Variants in DNAJA4 observed in about 807,000 individuals in gnomAD.
The protein encoded by DNAJA4 is DnaJ heat shock protein family (Hsp40) member A4, also known as dnaJ homolog subfamily A member 4.
A neutral mutation model predicts 39.7 loss-of-function variants in DNAJA4; 32 were observed. The observed-to-expected ratio is 0.81, with a 90% CI of 0.61 to 1.08. The LOEUF is 1.08. DNAJA4 is among the 50% of genes least tolerant of loss of function. DNAJA4 has a pLI of 0.00. For synonymous variants in DNAJA4, 184 were observed against 182.4 expected (o/e 1.01, Z -0.07); for missense variants, 439 against 505.1 (o/e 0.87, Z 1.25).
chr15:78,279,166 C>T lies in DNAJA4; in HGVS notation c.878-879C>T, dbSNP rs1271308042. ...TTAAAACCTCCTCTTTAAAGATTTC[C>T]TCTTGAAGAGACAGCTCACTTTCTA... On this transcript the variant is annotated intron_variant, in intron 5 of 6. Coordinates refer to ENST00000394852, the MANE Select transcript of DNAJA4 (RefSeq NM_001130182.2). This position sits in a 1 kb window ranked among gnomAD's most constrained non-coding sequence, Gnocchi z 4.5. The T allele has an allele frequency of 1.3e-5, 2 of 152,242 alleles. No individual in the cohort carries two copies. The highest frequency in any genetic ancestry group is 1.9e-4 in the East Asian group (1 of 5,180). The allele number at this position is 152,242 out of a possible 1,614,324, so 9.4% of individuals were successfully genotyped here.
At chr15:78,275,420 C>T in intron 4 of DNAJA4, 78 bp from the exon 5 acceptor site, 1 of 1,195,760 alleles carries the variant, frequency 8.4e-7, no homozygotes, top group Non-Finnish European at 1.2e-6. Flanking sequence ...CTGAAGGACT[C>T]TGTTCCTTCT....
At chr15:78,274,102 A>G (rs2049377157) in intron 3 of DNAJA4, 95 bp from the exon 4 acceptor site, 1 of 1,069,040 alleles carries the variant, frequency 9.4e-7, no homozygotes, top group Non-Finnish European at 1.4e-6. Context: ...CCATTGTCCA[A>G]TGTGAGGGTT....
chr15:78,277,581 G>T (rs1205783456), intron 5 of DNAJA4, among the ~76,000 whole-genome samples: 1 of 152,202 alleles, frequency 6.6e-6, no homozygotes, highest in Non-Finnish European at 1.5e-5. Context: ...CCCTGGCATT[G>T]TGTCCAAGAT....
In DNAJA4 at chr15:78,274,760, C is replaced by T. The variant is rs137921210; in HGVS notation, c.646+336C>T. The T allele has an allele frequency of 1.6e-3, 574 of 355,022 alleles. 4 individuals carry two copies. The highest frequency in any genetic ancestry group is 2.1e-3 in the Non-Finnish European group (397 of 187,032). The allele number at this position is 355,022 out of a possible 1,614,324, so 22.0% of individuals were successfully genotyped here. ...CTCAAGCCATTCCTCTAGAATCTTT[C>T]GGAGTGTCTTCCTGGTCGCTTCTGA... On this transcript the variant is annotated intron_variant, in intron 4 of 6. Transcript: ENST00000394852.
intron 4 of DNAJA4, 123 bp from the exon 5 acceptor site, chr15:78,275,375 G>T: frequency 2.6e-6 from 2 of 763,336 alleles, no homozygotes; most frequent in Non-Finnish European, 4.2e-6. Flanking sequence ...CCTTGTGCCT[G>T]CATGAGGTTG....
rs779408454 is a variant in DNAJA4 at position 78,264,912 on chromosome 15, G to C, written c.132+17G>C. The C allele has an allele frequency of 1.0e-5, 16 of 1,574,004 alleles. No individual in the cohort carries two copies. In the African/African-American group the frequency reaches 2.2e-4, roughly 22 times the overall value. ...GGCGAGAAGGTGCGGGGCGGCGCGGGGCACGGGCCGGGCTCCCGAGGGGCC... is the reference window on the plus strand; with the variant it reads ...GGCGAGAAGGTGCGGGGCGGCGCGGCGCACGGGCCGGGCTCCCGAGGGGCC... On this transcript the variant is annotated intron_variant, in intron 1 of 6. Coordinates refer to ENST00000394852, the MANE Select transcript of DNAJA4 (RefSeq NM_001130182.2).
At chr15:78,272,922 A>G (rs928413493) in intron 2 of DNAJA4, among the ~76,000 whole-genome samples, 173 bp from the exon 3 acceptor site, 1 of 152,252 alleles carries the variant, frequency 6.6e-6, no homozygotes, top group African/African-American at 2.4e-5. Context: ...GCTGAGGGCC[A>G]GAAGGATGGG....
Position 78,280,691 on chromosome 15 carries a change from A to T in DNAJA4, c.*231A>T, listed in dbSNP as rs1375001968. The T allele has an allele frequency of 2.2e-6, 1 of 464,970 alleles. No homozygotes were observed. The allele number at this position is 464,970 out of a possible 1,614,324, so 28.8% of individuals were successfully genotyped here. A position where few individuals can be genotyped will look rare whatever the true frequency, so the allele number is the denominator to read the frequency against. ...AAATCACCTCTAGTCTGCATATGGA[A>T]TCTGTTCATTTCTATTTTCAGGATA... On this transcript the variant is annotated 3_prime_UTR_variant, in exon 7 of 7. Transcript: ENST00000394852.
chr15:78,267,288 A>G (rs570877640), intron 1 of DNAJA4, among the ~76,000 whole-genome samples: 2 of 152,010 alleles, frequency 1.3e-5, no homozygotes, highest in Admixed American at 1.3e-4. Flanking sequence ...TCGTCACTGT[A>G]TTATTAACGT....
In DNAJA4 at chr15:78,270,598, C is replaced by T. The variant is rs752211825; in HGVS notation, c.234C>T (p.Gly78=). The stretch of plus-strand genomic sequence containing the variant: ...AGGCAATTAAAGAAGGAGGCTCAGG[C>T]AGCCCCAGCTTCTCTTCACCCATGG... ...GEQAIKEGGS[G]SPSFSSPMDI... Residue 78 remains glycine (G), a synonymous_variant, in exon 2 of 7, where the codon GGC becomes GGT. Coordinates refer to ENST00000394852, the MANE Select transcript of DNAJA4 (RefSeq NM_001130182.2). 6.2e-7 allele frequency: 1 copy of T among 1,614,226 alleles called. No homozygotes were observed. The highest frequency in any genetic ancestry group is 8.5e-7 in the Non-Finnish European group (1 of 1,180,040).
chr15:78,275,438 C>A, intron 4 of DNAJA4, 60 bp from the exon 5 acceptor site: 1 of 1,405,690 alleles, frequency 7.1e-7, no homozygotes, highest in Non-Finnish European at 1.0e-6. Flanking sequence ...TCTTCAAAAG[C>A]TTTAAGGAAG....
intron 2 of DNAJA4, among the ~76,000 whole-genome samples, chr15:78,271,310 G>A (rs4886566): frequency 0.26 from 39,264 of 151,986 alleles, 5,771 homozygotes; most frequent in South Asian, 0.35. Flanking sequence ...GAGGGATGTA[G>A]ATGACGCCGC....
rs1225615967 is a variant in DNAJA4 at position 78,276,517 on chromosome 15, A to G, written c.877+789A>G. Among the ~76,000 whole-genome samples, 4 of 152,186 alleles carry G rather than the reference A, an allele frequency of 2.6e-5. 1 individual carries two copies. Among genetic ancestry groups the G allele is most frequent in the Admixed American group, 2.6e-4 (4 of 15,288 alleles). On this transcript the variant is annotated intron_variant, in intron 5 of 6. Coordinates refer to ENST00000394852, the MANE Select transcript of DNAJA4 (RefSeq NM_001130182.2). ...TGTGTGGGCACCAGAGCACCTGCCT[A>G]GAAGGGGCTGAGAAGGGAGAGAGGC...
intron 4 of DNAJA4, chr15:78,275,202 T>C (rs148721937): frequency 5.3e-4 from 209 of 397,856 alleles, no homozygotes; most frequent in Non-Finnish European, 8.0e-4. Context: ...GGTGACCCTA[T>C]GCTGGTGGTG....
intron 1 of DNAJA4, among the ~76,000 whole-genome samples, chr15:78,267,141 A>AT (rs1555438008): frequency 7.2e-5 from 3 of 41,908 alleles, no homozygotes; most frequent in Non-Finnish European, 1.9e-4. Flanking sequence ...TGTGTATGTG[A>AT]GTGTGTGTGT....
In DNAJA4 at chr15:78,280,581, T is replaced by C; in HGVS notation, c.*121T>C. 1 of 800,614 alleles carries C rather than the reference T, an allele frequency of 1.2e-6. No individual in the cohort carries two copies. Among genetic ancestry groups the C allele is most frequent in the Admixed American group, 3.0e-5 (1 of 33,326 alleles). The allele number at this position is 800,614 out of a possible 1,614,324, so 49.6% of individuals were successfully genotyped here. ...GGATGTCCTGTGTATGTGTTCAGCA[T>C]TCTTAATTGCTGAGTGTCTTTTTGG... On this transcript the variant is annotated 3_prime_UTR_variant, in exon 7 of 7. Coordinates refer to ENST00000394852, the MANE Select transcript of DNAJA4 (RefSeq NM_001130182.2).
intron 5 of DNAJA4, 105 bp downstream of exon 5, chr15:78,275,833 A>ATGGGG (rs1370639923): frequency 1.3e-6 from 1 of 762,446 alleles, no homozygotes; most frequent in Non-Finnish European, 2.1e-6. Flanking sequence ...TTACATATTG[A>ATGGGG]TGGGGTGCAT....
intron 2 of DNAJA4, 25 bp downstream of exon 2, chr15:78,270,702 A>G: frequency 6.2e-7 from 1 of 1,605,896 alleles, no homozygotes; most frequent in Non-Finnish European, 8.5e-7. Context: ...AGAAACATAA[A>G]TAAGTTGTAT....
chr15:78,271,042 C>A (rs1301868212), intron 2 of DNAJA4, among the ~76,000 whole-genome samples: 1 of 144,648 alleles, frequency 6.9e-6, no homozygotes, highest in Non-Finnish European at 1.5e-5. Context: ...CAGGGTGAGA[C>A]CCTGTCTCAA....
Sources: allele counts gnomAD v4.1 joint callset (sites outside exome capture counted in the v4.1 genomes callset), GRCh38; gene constraint gnomAD v4.1.1; non-coding constraint Gnocchi (gnomAD v3.1); transcripts MANE v1.5; gene names NCBI Gene and HGNC (gene_info 2026-07-23, HGNC 2026-07-21).